USP6NL: variants seen among roughly 807,000 people sequenced by gnomAD.
USP6NL encodes USP6 N-terminal-like protein.
Under a neutral mutation model 61.9 loss-of-function variants are expected in USP6NL, and 26 were observed. That is an observed-to-expected ratio of 0.42 (90% CI 0.31 to 0.58). The LOEUF is 0.58. Ranked by LOEUF, USP6NL falls within the 20% of genes least tolerant of loss-of-function variation. USP6NL has a pLI of 0.16. For missense variants in USP6NL, 1,114 were observed against 1,034.3 expected, an observed-to-expected ratio of 1.08 and a Z score of -1.06; for synonymous variants, 432 against 390.1, an observed-to-expected ratio of 1.11 and a Z score of -1.27.
chr10:11,554,391 G>C (rs976397256), intron 2 of USP6NL, among the ~76,000 whole-genome samples: 1 of 152,174 alleles, frequency 6.6e-6, no homozygotes, highest in Non-Finnish European at 1.5e-5. Flanking sequence ...CAGACTGAGA[G>C]AAACCAGGCA....
At chr10:11,583,820 G>C (rs1837873516) in intron 2 of USP6NL, among the ~76,000 whole-genome samples, 1 of 152,112 alleles carries the variant, frequency 6.6e-6, no homozygotes, top group Non-Finnish European at 1.5e-5. Context: ...CTGAGGTCAG[G>C]AGCTCAAGAC....
intron 1 of USP6NL, among the ~76,000 whole-genome samples, chr10:11,610,577 C>A (rs1348118268): frequency 6.6e-6 from 1 of 151,522 alleles, no homozygotes; most frequent in Non-Finnish European, 1.5e-5. Flanking sequence ...AGGATTGAAA[C>A]CATTTTCTTT....
chr10:11,482,712 ATTTT>A lies in USP6NL; in HGVS notation c.926-794_926-791del, dbSNP rs2133225946. ...TTAATGGTCATTTAGGTGGTTTTTG[ATTTT>A]TTATTATTTAAAACCACTGTGTGAT... is the stretch of plus-strand genomic sequence containing the variant. On this transcript the variant is annotated intron_variant, in intron 13 of 14. Transcript: ENST00000609104. This position sits in a 1 kb window ranked among gnomAD's most constrained non-coding sequence, Gnocchi z 4.0. Among the ~76,000 whole-genome samples the A allele has an allele frequency of 6.6e-6, 1 of 152,154 alleles. No homozygotes were observed. The highest frequency in any genetic ancestry group is 1.5e-5 in the Non-Finnish European group (1 of 67,986).
At chr10:11,497,099 T>A (rs1833962588) in intron 7 of USP6NL, among the ~76,000 whole-genome samples, 1 of 150,942 alleles carries the variant, frequency 6.6e-6, no homozygotes, top group African/African-American at 2.4e-5. Flanking sequence ...CCATCTTTTT[T>A]TTTTTTTTTT....
intron 1 of USP6NL, among the ~76,000 whole-genome samples, chr10:11,605,263 G>C (rs1838667270): frequency 6.6e-6 from 1 of 152,174 alleles, no homozygotes; most frequent in Non-Finnish European, 1.5e-5. Context: ...CAAAATGTCA[G>C]AGTACAGGAT....
chr10:11,573,922 T>G, intron 2 of USP6NL: 1 of 353,716 alleles, frequency 2.8e-6, no homozygotes, highest in Non-Finnish European at 5.0e-6. Flanking sequence ...GAAAGCCCCA[T>G]CCTCAAAGTC....
rs1004189226 is a variant in USP6NL, at chr10:11,495,415, G to C, written c.385-2187C>G. 1.3e-5 allele frequency among the ~76,000 whole-genome samples: 2 copies of C among 152,068 alleles called. No individual in the cohort carries two copies. Among genetic ancestry groups the C allele is most frequent in the South Asian group, 4.1e-4 (2 of 4,822 alleles). On this transcript the variant is annotated intron_variant, in intron 7 of 14. Transcript: ENST00000609104. This position sits in a 1 kb window ranked among gnomAD's most constrained non-coding sequence, Gnocchi z 4.6. ...CCTCGGTCTCTTGCCTCAGCACCTG[G>C]ATGGCTTGCCGCCCACACCCTCCCT...
chr10:11,463,053 C>T lies in USP6NL; in HGVS notation c.1875G>A (p.Gly625=), dbSNP rs1340130972. The T allele has an allele frequency of 1.9e-6, 3 of 1,613,872 alleles. No homozygotes were observed. Among genetic ancestry groups the T allele is most frequent in the African/African-American group, 2.7e-5 (2 of 74,914 alleles). ...TGCTGTAGGAGGGGGGATGAGCTAG[C>T]CCTCGGGCTTCCCCATCTAGCTGGG... ...YPSQLDGEAR[G]LAHPPSYSNP... is the part of the protein sequence containing the mutation. Residue 625 remains glycine (G), a synonymous_variant, in exon 15 of 15, where the codon GGG becomes GGA. Transcript: ENST00000609104. This position sits in a 1 kb window ranked among gnomAD's most constrained non-coding sequence, Gnocchi z 6.3.
chr10:11,497,744 T>A (rs879296061), intron 7 of USP6NL, among the ~76,000 whole-genome samples: 4 of 152,168 alleles, frequency 2.6e-5, no homozygotes, highest in Non-Finnish European at 1.5e-5. Context: ...AGCTAATGCA[T>A]GGAATGCAGG....
At chr10:11,492,287 T>A (rs1171081123) in intron 8 of USP6NL, among the ~76,000 whole-genome samples, 2 of 152,200 alleles carry the variant, frequency 1.3e-5, no homozygotes, top group Admixed American at 1.3e-4. Context: ...GCTTTGGGTG[T>A]CAACTTGGCT....
chr10:11,555,129 T>C (rs1256622659), intron 2 of USP6NL, among the ~76,000 whole-genome samples: 1 of 139,594 alleles, frequency 7.2e-6, no homozygotes, highest in Non-Finnish European at 1.5e-5. Context: ...TTAAGAATCC[T>C]ATGAGGCCAG....
At chr10:11,504,747 A>G (rs865937878) in intron 6 of USP6NL, among the ~76,000 whole-genome samples, 2 of 152,368 alleles carry the variant, frequency 1.3e-5, no homozygotes, top group African/African-American at 4.8e-5. Context: ...CGTACTGGGA[A>G]GAGAAATACG....
rs181535734 is a variant in USP6NL at position 11,496,892 on chromosome 10, C to T, written c.385-3664G>A. On this transcript the variant is annotated intron_variant, in intron 7 of 14. Coordinates refer to ENST00000609104, the MANE Select transcript of USP6NL (RefSeq NM_014688.5). This position sits in a 1 kb window ranked among gnomAD's most constrained non-coding sequence, Gnocchi z 5.4. ...TGTGTATTGAAGGTCAGAGAAGGGG[C>T]TTCTGCAGCTTTTTAAAACAGGAAG... 3.4e-4 allele frequency among the ~76,000 whole-genome samples: 52 copies of T among 152,066 alleles called. No individual in the cohort carries two copies. Among genetic ancestry groups the T allele is most frequent in the African/African-American group, 1.2e-3 (50 of 41,472 alleles).
At position 11,589,814 on chromosome 10, in the gene USP6NL, T is replaced by G. The variant is rs1375231979; in HGVS notation, c.4+7817A>C. Reference sequence around the variant, plus strand: ...TGTCTGACTATAATCTTTTTATATTTTATTGTTTAAAGCTTAACACCTGAA... The same window carrying G: ...TGTCTGACTATAATCTTTTTATATTGTATTGTTTAAAGCTTAACACCTGAA... On this transcript the variant is annotated intron_variant, in intron 2 of 14. Transcript: ENST00000609104. The surrounding 1 kb of genome is among the most constrained non-coding windows in gnomAD (Gnocchi z 4.7). Among the ~76,000 whole-genome samples the G allele has an allele frequency of 2.0e-5, 3 of 152,228 alleles. No homozygotes were observed. The highest frequency in any genetic ancestry group is 7.2e-5 in the African/African-American group (3 of 41,458).
chr10:11,559,850 C>G (rs1230344723), intron 2 of USP6NL, among the ~76,000 whole-genome samples: 3 of 152,142 alleles, frequency 2.0e-5, no homozygotes. Context: ...CTTAACTTCT[C>G]TAAGCTTCAT....
intron 2 of USP6NL, among the ~76,000 whole-genome samples, chr10:11,533,691 T>A (rs1163578571): frequency 6.6e-6 from 1 of 152,172 alleles, no homozygotes; most frequent in East Asian, 1.9e-4. Flanking sequence ...CAGAGAAACT[T>A]GATTTCAGAC....
At chr10:11,526,922 T>C (rs1044270781) in intron 3 of USP6NL, among the ~76,000 whole-genome samples, 1 of 152,128 alleles carries the variant, frequency 6.6e-6, no homozygotes, top group Non-Finnish European at 1.5e-5. Context: ...CTAAGATCCA[T>C]GGTAAATTTA....
intron 2 of USP6NL, among the ~76,000 whole-genome samples, chr10:11,583,080 G>A (rs1173276968): frequency 6.6e-6 from 1 of 151,302 alleles, no homozygotes; most frequent in African/African-American, 2.4e-5. Flanking sequence ...AATAAAGGAT[G>A]ACAGGAGAGT....
intron 2 of USP6NL, among the ~76,000 whole-genome samples, chr10:11,541,230 C>CATATATATATATATATAT (rs71378797): frequency 1.4e-4 from 6 of 43,204 alleles, no homozygotes; most frequent in Admixed American, 5.8e-4. Context: ...TCAATAGTGC[C>CATATATATATATATATAT]ATATATATAT....
Sources: allele counts gnomAD v4.1 joint callset (sites outside exome capture counted in the v4.1 genomes callset), GRCh38; gene constraint gnomAD v4.1.1; non-coding constraint Gnocchi (gnomAD v3.1); transcripts MANE v1.5; gene names NCBI Gene and HGNC (gene_info 2026-07-23, HGNC 2026-07-21).